The following WWOX variants were observed in gnomAD, a reference collection of about 807,000 sequenced individuals.
WWOX encodes the protein WW domain-containing oxidoreductase.
WWOX carries 69 observed loss-of-function variants against 46.2 expected under a neutral mutation model. The ratio of observed to expected loss-of-function variants is 1.49; its 90% CI spans 1.23 to 1.82. The LOEUF is 1.82. WWOX is among the 40% of genes most tolerant of loss of function. The pLI is 0.00. For synonymous variants in WWOX, 359 were observed against 202.6 expected, an observed-to-expected ratio of 1.77 and a Z score of -6.56; for missense variants, 919 against 542.6, an observed-to-expected ratio of 1.69 and a Z score of -6.89.
At chr16:78,787,473 C>T (rs1489956813) in intron 8 of WWOX, among the ~76,000 whole-genome samples, 1 of 152,120 alleles carries the variant, frequency 6.6e-6, no homozygotes, top group Non-Finnish European at 1.5e-5. Flanking sequence ...CAAGGTTCAT[C>T]CATGTTGTAG....
chr16:78,566,195 C>A (rs1380015978), intron 8 of WWOX, among the ~76,000 whole-genome samples: 2 of 152,080 alleles, frequency 1.3e-5, no homozygotes, highest in African/African-American at 4.8e-5. Flanking sequence ...TACCCCGTCC[C>A]CCATGATCTC....
chr16:78,844,767 T>C (rs1276477944), intron 8 of WWOX, among the ~76,000 whole-genome samples: 2 of 152,234 alleles, frequency 1.3e-5, no homozygotes, highest in East Asian at 1.9e-4. Flanking sequence ...CCTCCTTTTT[T>C]AGTCTTGTAT....
In WWOX at chr16:78,301,922, A is replaced by G. The variant is rs535441685; in HGVS notation, c.517-84938A>G. On this transcript the variant is annotated intron_variant, in intron 5 of 8. Coordinates refer to ENST00000566780, the MANE Select transcript of WWOX (RefSeq NM_016373.4). ...CCTCTTCTACCCATAAGTTTGGTTT[A>G]TACATCAAAGTAACATTCTAAAATT... is the stretch of plus-strand genomic sequence containing the variant. Among the ~76,000 whole-genome samples, 8 of 151,646 alleles carry G rather than the reference A, an allele frequency of 5.3e-5. 1 individual carries two copies. In the East Asian group the frequency reaches 1.4e-3, roughly 26 times the overall value.
At chr16:78,215,368 G>A (rs1233148811) in intron 5 of WWOX, among the ~76,000 whole-genome samples, 1 of 152,174 alleles carries the variant, frequency 6.6e-6, no homozygotes, top group African/African-American at 2.4e-5. Context: ...GGAGGTGATT[G>A]GCCCGTGGTG....
chr16:79,131,460 C>T (rs547520244), intron 8 of WWOX, among the ~76,000 whole-genome samples: 18 of 152,208 alleles, frequency 1.2e-4, no homozygotes, highest in South Asian at 6.2e-4. Flanking sequence ...CTATCACATA[C>T]TCTTATGCAA....
At chr16:78,839,522 C>G (rs533715905) in intron 8 of WWOX, among the ~76,000 whole-genome samples, 42 of 152,234 alleles carry the variant, frequency 2.8e-4, no homozygotes, top group East Asian at 1.2e-3. Context: ...TTTTCTTTCC[C>G]CTTCCTCATG....
intron 8 of WWOX, among the ~76,000 whole-genome samples, chr16:79,072,064 C>T (rs2048561651): frequency 6.6e-6 from 1 of 152,130 alleles, no homozygotes; most frequent in Non-Finnish European, 1.5e-5. Flanking sequence ...GGGAGGATTG[C>T]TTGAGTCTAG....
chr16:78,781,824 T>A (rs1276486638), intron 8 of WWOX, among the ~76,000 whole-genome samples: 1 of 152,208 alleles, frequency 6.6e-6, no homozygotes, highest in African/African-American at 2.4e-5. Context: ...TAAGTAGAAG[T>A]AATGATGACG....
intron 8 of WWOX, among the ~76,000 whole-genome samples, chr16:78,987,730 C>G (rs538756583): frequency 6.6e-6 from 1 of 152,180 alleles, no homozygotes. Context: ...ATGAGAGTTG[C>G]GATATGTCGG....
At chr16:78,578,285 T>TATATATATATATATATATATA (rs10638175) in intron 8 of WWOX, among the ~76,000 whole-genome samples, 9 of 12,948 alleles carry the variant, frequency 7.0e-4, no homozygotes, top group South Asian at 2.8e-3. Context: ...TATATATATA[T>TATATATATATATATATATATA]TTTTTTTTTT....
rs1245741444 is a variant in WWOX, at chr16:78,422,710, T to TACACACAC, written c.606-2156_606-2149dup. On this transcript the variant is annotated intron_variant, in intron 6 of 8. Transcript: ENST00000566780. Reference sequence around the variant, plus strand: ...ACACACACACACACACATATATATATACACACACACATATATATATACACA... The same window carrying TACACACAC: ...ACACACACACACACACATATATATATACACACACACACACACACATATATATATACACA... Among the ~76,000 whole-genome samples the TACACACAC allele has an allele frequency of 9.5e-5, 8 of 83,898 alleles. No homozygotes were observed. In the South Asian group the frequency reaches 1.4e-3, roughly 14 times the overall value. The allele number at this position is 83,898 out of a possible 152,430, so 55.0% of individuals were successfully genotyped here. A position where few individuals can be genotyped will look rare whatever the true frequency, so the allele number is the denominator to read the frequency against.
chr16:78,668,169 A>C (rs373536979), intron 8 of WWOX, among the ~76,000 whole-genome samples: 390 of 152,248 alleles, frequency 2.6e-3, no homozygotes, highest in South Asian at 0.025. Context: ...AATCCCAGCT[A>C]CTCGGGAGGC....
At chr16:78,831,817 G>A (rs1181207842) in intron 8 of WWOX, among the ~76,000 whole-genome samples, 1 of 152,200 alleles carries the variant, frequency 6.6e-6, no homozygotes, top group Non-Finnish European at 1.5e-5. Context: ...AGCACTGCAT[G>A]TCAAGCCAAG....
chr16:78,390,689 C>T (rs1365411455), intron 6 of WWOX, among the ~76,000 whole-genome samples: 3 of 152,166 alleles, frequency 2.0e-5, no homozygotes, highest in African/African-American at 7.2e-5. Context: ...TGACAACTGT[C>T]AGAAGTGAAT....
intron 8 of WWOX, among the ~76,000 whole-genome samples, chr16:78,853,856 A>G (rs1191075071): frequency 6.6e-6 from 1 of 152,196 alleles, no homozygotes; most frequent in Non-Finnish European, 1.5e-5. Context: ...TCTTCAGGTA[A>G]AATGGATGCT....
At chr16:78,971,824 G>T (rs2046476661) in intron 8 of WWOX, among the ~76,000 whole-genome samples, 1 of 150,970 alleles carries the variant, frequency 6.6e-6, no homozygotes, top group South Asian at 2.1e-4. Context: ...CATTTAAAGA[G>T]AACACTAACA....
At chr16:78,503,090 C>A (rs191449236) in intron 8 of WWOX, among the ~76,000 whole-genome samples, 1 of 152,290 alleles carries the variant, frequency 6.6e-6, no homozygotes, top group African/African-American at 2.4e-5. Flanking sequence ...ATGTTGCTGA[C>A]TGTTTTTGAG....
intron 8 of WWOX, among the ~76,000 whole-genome samples, chr16:78,959,742 G>A (rs1438900169): frequency 1.3e-5 from 2 of 152,134 alleles, no homozygotes; most frequent in Non-Finnish European, 2.9e-5. Flanking sequence ...GCCTTTCCAT[G>A]ACCAAATGCC....
intron 5 of WWOX, among the ~76,000 whole-genome samples, chr16:78,373,690 T>C (rs1003583211): frequency 2.0e-5 from 3 of 152,206 alleles, no homozygotes; most frequent in African/African-American, 7.2e-5. Flanking sequence ...GAATTTAAGT[T>C]CATGTTTCTT....
Sources: gnomAD v4.1 joint callset for allele counts (sites outside exome capture counted in the v4.1 genomes callset) on GRCh38, gnomAD v4.1.1 for gene constraint, MANE v1.5 for transcripts, NCBI Gene and HGNC (gene_info 2026-07-23, HGNC 2026-07-21) for gene names.